Variants in AKAP13 observed in about 807,000 individuals in gnomAD.
AKAP13 encodes A-kinase anchoring protein 13.
In AKAP13, 80 loss-of-function variants were observed where a neutral mutation model predicts 264.5. The ratio of observed to expected loss-of-function variants is 0.30; its 90% CI spans 0.25 to 0.36. AKAP13 has a LOEUF of 0.36. AKAP13 is among the 10% of genes least tolerant of loss of function. AKAP13 has a pLI of 1.00. For missense variants in AKAP13, 3,712 were observed against 3,435.2 expected, an observed-to-expected ratio of 1.08 and a Z score of -2.01; for synonymous variants, 1,380 against 1,250.2, an observed-to-expected ratio of 1.10 and a Z score of -2.19.
chr15:85,664,832 T>TGAAC, intron 13 of AKAP13, 77 bp downstream of exon 13: 1 of 1,373,164 alleles, frequency 7.3e-7, no homozygotes, highest in Middle Eastern at 2.3e-4. Flanking sequence ...CTTCTGGTAG[T>TGAAC]ATAAGGCTAG....
At chr15:85,693,741 C>T (rs1472221906) in intron 17 of AKAP13, among the ~76,000 whole-genome samples, 4 of 152,154 alleles carry the variant, frequency 2.6e-5, no homozygotes, top group Non-Finnish European at 5.9e-5. Context: ...AGAAACTGTA[C>T]TTTGAGTGCT....
At position 85,592,735 on chromosome 15, in the gene AKAP13, G is replaced by A. The variant is rs142222877; in HGVS notation, c.4161+6912G>A. 1.3e-3 allele frequency among the ~76,000 whole-genome samples: 200 copies of A among 152,232 alleles called. 2 individuals carry two copies. Among genetic ancestry groups the A allele is most frequent in the African/African-American group, 4.5e-3 (188 of 41,536 alleles). ...CTCTGTATCTCCTCTGAAATGGAGA[G>A]TTTCCAGGAAATTATCAGCGGCTCC... On this transcript the variant is annotated intron_variant, in intron 8 of 36. Transcript: ENST00000394518.
intron 5 of AKAP13, among the ~76,000 whole-genome samples, chr15:85,545,110 T>C (rs932543869): frequency 6.6e-6 from 1 of 152,186 alleles, no homozygotes; most frequent in Admixed American, 6.5e-5. Context: ...GGGGCACTTA[T>C]CTCAAATGAG....
intron 19 of AKAP13, among the ~76,000 whole-genome samples, 178 bp downstream of exon 19, chr15:85,710,823 A>G (rs2086596109): frequency 6.6e-6 from 1 of 152,184 alleles, no homozygotes; most frequent in South Asian, 2.1e-4. Flanking sequence ...ACATTATACC[A>G]TCAAACCCTC....
At chr15:85,656,213 T>G (rs151295889) in intron 11 of AKAP13, among the ~76,000 whole-genome samples, 34 of 152,336 alleles carry the variant, frequency 2.2e-4, no homozygotes, top group African/African-American at 7.9e-4. Context: ...ATCAAAGTCT[T>G]TCAGAGTATT....
In AKAP13 at chr15:85,615,899, A is replaced by G. The variant is rs1200357612; in HGVS notation, c.4162-23475A>G. On this transcript the variant is annotated intron_variant, in intron 8 of 36. Transcript: ENST00000394518. The stretch of plus-strand genomic sequence containing the variant: ...AATCTCTAATTTTTCCATTCTGGAA[A>G]TCTTGGTCCAGAGGGTCAAACTAGT... 7.6e-4 allele frequency among the ~76,000 whole-genome samples: 116 copies of G among 152,158 alleles called. 1 individual carries two copies. Among genetic ancestry groups the G allele is most frequent in the Admixed American group, 7.6e-3 (116 of 15,274 alleles).
At chr15:85,399,539 T>TAAAAAAAA in intron 1 of AKAP13, among the ~76,000 whole-genome samples, 1 of 87,866 alleles carries the variant, frequency 1.1e-5, no homozygotes, top group South Asian at 3.8e-4. Flanking sequence ...AATAAAAAAA[T>TAAAAAAAA]AAATAAATAA....
At chr15:85,701,759 C>G (rs1210902079) in intron 17 of AKAP13, among the ~76,000 whole-genome samples, 1 of 150,676 alleles carries the variant, frequency 6.6e-6, no homozygotes, top group Non-Finnish European at 1.5e-5. Flanking sequence ...GAGGTTTAAA[C>G]TGAAAAGTAT....
At chr15:85,685,449 A>G (rs2084846030) in intron 16 of AKAP13, 1 of 149,590 alleles carries the variant, frequency 6.7e-6, no homozygotes, top group South Asian at 2.1e-4. Context: ...GAGATTAAAT[A>G]AATGTTTAAA....
chr15:85,595,265 A>G (rs1233877599), intron 8 of AKAP13, among the ~76,000 whole-genome samples: 2 of 151,892 alleles, frequency 1.3e-5, no homozygotes, highest in African/African-American at 2.4e-5. Context: ...ACACCTAGCT[A>G]ATTTTTAAAT....
At chr15:85,560,353 C>A (rs1311123792) in intron 5 of AKAP13, among the ~76,000 whole-genome samples, 2 of 151,798 alleles carry the variant, frequency 1.3e-5, no homozygotes, top group African/African-American at 4.8e-5. Flanking sequence ...CCCTGTTTTG[C>A]CCAGCCTGGT....
At chr15:85,442,861 C>G (rs986152401) in intron 1 of AKAP13, among the ~76,000 whole-genome samples, 11 of 152,002 alleles carry the variant, frequency 7.2e-5, no homozygotes, top group Non-Finnish European at 1.3e-4. Context: ...GATGGGAACT[C>G]ACATTTGATG....
At chr15:85,415,419 T>G in intron 1 of AKAP13, 1 of 1,607,020 alleles carries the variant, frequency 6.2e-7, no homozygotes, top group Admixed American at 1.7e-5. Context: ...AACAACACAG[T>G]TTTCTTGTAC....
chr15:85,688,228 T>A (rs1055973314), intron 16 of AKAP13, among the ~76,000 whole-genome samples: 5 of 152,198 alleles, frequency 3.3e-5, no homozygotes, highest in Non-Finnish European at 7.4e-5. Flanking sequence ...AACTCTAATC[T>A]TGTTCTTAAC....
At chr15:85,666,294 T>C (rs1360237453) in intron 13 of AKAP13, among the ~76,000 whole-genome samples, 1 of 152,250 alleles carries the variant, frequency 6.6e-6, no homozygotes, top group East Asian at 1.9e-4. Context: ...GAGCATTTTT[T>C]CATGTGTCTG....
intron 12 of AKAP13, among the ~76,000 whole-genome samples, chr15:85,663,251 A>G (rs753813158): frequency 1.3e-5 from 2 of 151,606 alleles, no homozygotes; most frequent in Non-Finnish European, 2.9e-5. Flanking sequence ...TGGAGGTAGC[A>G]GTGAGCCAAG....
At chr15:85,427,328 C>T (rs2072839427) in intron 1 of AKAP13, among the ~76,000 whole-genome samples, 1 of 152,006 alleles carries the variant, frequency 6.6e-6, no homozygotes, top group South Asian at 2.1e-4. Flanking sequence ...CTGTATTCTG[C>T]TTTCATGGGA....
intron 1 of AKAP13, among the ~76,000 whole-genome samples, chr15:85,449,823 T>G (rs577163893): frequency 4.5e-4 from 69 of 152,318 alleles, no homozygotes; most frequent in South Asian, 2.5e-3. Flanking sequence ...TTTGCAAGTA[T>G]TTTATTGAGG....
intron 1 of AKAP13, among the ~76,000 whole-genome samples, chr15:85,383,262 T>C (rs1331831161): frequency 4.6e-5 from 7 of 152,040 alleles, no homozygotes; most frequent in Non-Finnish European, 7.4e-5. Context: ...TGGAAAAAAA[T>C]TAGAAATTTT....
Sources: allele counts gnomAD v4.1 joint callset (sites outside exome capture counted in the v4.1 genomes callset), GRCh38; gene constraint gnomAD v4.1.1; transcripts MANE v1.5; gene names NCBI Gene and HGNC (gene_info 2026-07-23, HGNC 2026-07-21).